PARL: variants seen among roughly 807,000 people sequenced by gnomAD.
PARL encodes presenilin-associated rhomboid-like protein, mitochondrial.
PARL carries 44 observed loss-of-function variants against 51.6 expected under a neutral mutation model. The observed-to-expected ratio is 0.85, with a 90% CI of 0.67 to 1.10. The LOEUF is 1.10. Among genes scored for constraint, PARL ranks in the 50% least tolerant of loss-of-function variants. PARL has a pLI of 0.00. For missense variants in PARL, 441 were observed against 469.5 expected (o/e 0.94, Z 0.56); for synonymous variants, 172 against 164.0 (o/e 1.05, Z -0.37).
chr3:183,846,581 C>A (rs769415274), intron 4 of PARL: 2 of 984,736 alleles, frequency 2.0e-6, no homozygotes, highest in African/African-American at 3.5e-5. Flanking sequence ...TCAATCCAAA[C>A]GCAAGAAGCT....
At chr3:183,832,222 C>CTTTT (rs879877473) in intron 9 of PARL, among the ~76,000 whole-genome samples, 1 of 142,852 alleles carries the variant, frequency 7.0e-6, no homozygotes, top group African/African-American at 2.6e-5. Context: ...ATAGATTTTT[C>CTTTT]TTTTTTTTTT....
At chr3:183,833,695 C>T in intron 8 of PARL, 29 bp downstream of exon 8, 1 of 1,488,628 alleles carries the variant, frequency 6.7e-7, no homozygotes, top group Non-Finnish European at 9.4e-7. Context: ...ACCACTATCC[C>T]CAGCACTGCA....
At chr3:183,879,997 C>T (rs1411404356) in intron 1 of PARL, among the ~76,000 whole-genome samples, 1 of 151,528 alleles carries the variant, frequency 6.6e-6, no homozygotes, top group African/African-American at 2.4e-5. Flanking sequence ...TCCCAAAGTG[C>T]TCCCAAAGGA....
At chr3:183,868,103 G>T in intron 1 of PARL, 43 bp from the exon 2 acceptor site, 2 of 1,416,048 alleles carry the variant, frequency 1.4e-6, no homozygotes, top group African/African-American at 1.4e-5. Context: ...GTAGCGTCTT[G>T]CAAATATCAA....
intron 4 of PARL, chr3:183,861,271 C>A: frequency 1.0e-6 from 1 of 975,030 alleles, no homozygotes; most frequent in South Asian, 4.7e-5. Flanking sequence ...AAATCTCAAT[C>A]CCTTGGTTAA....
chr3:183,842,976 A>C (rs1729526515), intron 5 of PARL, among the ~76,000 whole-genome samples: 1 of 149,946 alleles, frequency 6.7e-6, no homozygotes, highest in South Asian at 2.1e-4. Flanking sequence ...GTTGAGGCTC[A>C]AGGGCTCAAG....
At chr3:183,840,709 C>CTT (rs34558001) in intron 6 of PARL, 69 bp from the exon 7 acceptor site, 9,567 of 602,162 alleles carry the variant, frequency 0.016, 5 homozygotes, top group East Asian at 0.021. Flanking sequence ...TTTTTCTTTT[C>CTT]TTTTTTTTTT....
intron 1 of PARL, among the ~76,000 whole-genome samples, chr3:183,876,207 C>T (rs1204292606): frequency 5.3e-5 from 8 of 152,188 alleles, no homozygotes; most frequent in Admixed American, 1.3e-4. Context: ...CCATCATGTC[C>T]GGCTAATTTT....
intron 1 of PARL, among the ~76,000 whole-genome samples, chr3:183,873,322 A>G (rs536895265): frequency 1.3e-5 from 2 of 152,292 alleles, no homozygotes; most frequent in African/African-American, 4.8e-5. Flanking sequence ...CTTGGCCAAC[A>G]TGGTGAAACT....
intron 4 of PARL, among the ~76,000 whole-genome samples, chr3:183,848,190 G>A (rs1730172552): frequency 6.6e-6 from 1 of 152,226 alleles, no homozygotes; most frequent in Non-Finnish European, 1.5e-5. Flanking sequence ...ATTTACTTAA[G>A]AAAAACAGCT....
At chr3:183,844,489 A>C in intron 4 of PARL, 163 bp from the exon 5 acceptor site, 1 of 615,062 alleles carries the variant, frequency 1.6e-6, no homozygotes, top group Non-Finnish European at 2.9e-6. Context: ...AATGCTTTTA[A>C]AGTATCAGCA....
At chr3:183,831,196 G>A (rs1368990330) in intron 9 of PARL, among the ~76,000 whole-genome samples, 1 of 152,052 alleles carries the variant, frequency 6.6e-6, no homozygotes, top group East Asian at 1.9e-4. Flanking sequence ...GGCTGGTCTC[G>A]AACTCCTGAC....
chr3:183,843,383 G>T, intron 5 of PARL: 1 of 636,106 alleles, frequency 1.6e-6, no homozygotes, highest in Non-Finnish European at 2.0e-6. Flanking sequence ...TGGGCATGGT[G>T]GCATGCACCT....
At chr3:183,860,796 G>T (rs1577348489) in intron 4 of PARL, among the ~76,000 whole-genome samples, 1 of 148,022 alleles carries the variant, frequency 6.8e-6, no homozygotes, top group Non-Finnish European at 1.5e-5. Flanking sequence ...CCACCCTAAA[G>T]AAATCTTAAT....
chr3:183,873,375 G>T lies in PARL; in HGVS notation c.126-5315C>A, dbSNP rs138642941. 1.2e-3 allele frequency among the ~76,000 whole-genome samples: 176 copies of T among 151,858 alleles called. No homozygotes were observed. The East Asian group carries it at 0.03, about 26-fold the overall frequency. On this transcript the variant is annotated intron_variant, in intron 1 of 9. Transcript: ENST00000317096. ...ACAAAACTTAGCTGGGCGTGGTGGC[G>T]CACGCCTGTATTTTGATTACAGGCG...
In PARL at chr3:183,829,694, G is replaced by C. The variant is rs761973588; in HGVS notation, c.1044C>G (p.Tyr348Ter). Residue 348 changes from tyrosine (Y) to a stop codon, truncating the protein, a stop_gained, in exon 10 of 10, where the codon TAC becomes TAG. Transcript: ENST00000317096. LOFTEE classifies it high-confidence loss of function. ...TGTTCTTCCAAATCAGTTCATGACC[G>C]TAAGTAACATACCATCTGGAGAAAA... ...GALFGIWYVTYGHELIWKNRE... is the reference protein window; with the variant it reads ...GALFGIWYVT 12 of 1,613,858 alleles carry C rather than the reference G, an allele frequency of 7.4e-6. No individual in the cohort carries two copies. The highest frequency in any genetic ancestry group is 1.0e-5 in the Non-Finnish European group (12 of 1,179,842).
intron 4 of PARL, 172 bp from the exon 5 acceptor site, chr3:183,844,498 C>T: frequency 1.7e-6 from 1 of 603,236 alleles, no homozygotes; most frequent in Non-Finnish European, 3.0e-6. Context: ...AAAGTATCAG[C>T]ACTGCCTAGG....
At chr3:183,854,615 T>TCTG (rs1730926655) in intron 4 of PARL, among the ~76,000 whole-genome samples, 2 of 151,912 alleles carry the variant, frequency 1.3e-5, no homozygotes, top group East Asian at 3.9e-4. Context: ...GTTTAATGAG[T>TCTG]AGAGTTTCAG....
chr3:183,857,398 C>T (rs1731295049), intron 4 of PARL, among the ~76,000 whole-genome samples: 1 of 151,964 alleles, frequency 6.6e-6, no homozygotes, highest in Admixed American at 6.6e-5. Context: ...GTATATTATA[C>T]CTCAATAAAA....
Sources: gnomAD v4.1 joint callset for allele counts (sites outside exome capture counted in the v4.1 genomes callset) on GRCh38, gnomAD v4.1.1 for gene constraint, MANE v1.5 for transcripts, NCBI Gene and HGNC (gene_info 2026-07-23, HGNC 2026-07-21) for gene names.